Variants in KLHL29 observed in about 807,000 individuals in gnomAD.
KLHL29 encodes the protein kelch-like protein 29.
In KLHL29, 21 loss-of-function variants were observed where a neutral mutation model predicts 80.4. The ratio of observed to expected loss-of-function variants is 0.26; its 90% confidence interval spans 0.19 to 0.38. The LOEUF (loss-of-function observed/expected upper bound fraction) is 0.38, where lower values mean the gene tolerates loss of function less well. KLHL29 is among the 10% of genes least tolerant of loss of function. KLHL29 has a pLI of 1.00. For missense variants in KLHL29, 867 were observed against 1,223.9 expected (o/e 0.71, Z 4.35); for synonymous variants, 511 against 526.8 (o/e 0.97, Z 0.41).
In KLHL29 at chr2:23,449,731, G is replaced by C. The variant is rs1663813007; in HGVS notation, c.-153-25829G>C. On this transcript the variant is annotated intron_variant, in intron 1 of 13. Coordinates refer to ENST00000486442, the MANE Select transcript of KLHL29 (RefSeq NM_052920.2). ...CTGGATACAGAGAGGCCATTAGTTG[G>C]GGTCATCAACTAATTAGAGAACCTT... 2.0e-5 allele frequency among the ~76,000 whole-genome samples: 3 copies of C among 152,054 alleles called. No individual in the cohort carries two copies. The South Asian group carries it at 6.2e-4, about 32-fold the overall frequency.
At chr2:23,627,625 G>A (rs1168248516) in intron 3 of KLHL29, among the ~76,000 whole-genome samples, 2 of 152,202 alleles carry the variant, frequency 1.3e-5, no homozygotes, top group Non-Finnish European at 2.9e-5. Context: ...CGTGTGTGCT[G>A]CCCTGTTTGT....
chr2:23,542,178 A>G (rs1457840766), intron 2 of KLHL29, among the ~76,000 whole-genome samples: 1 of 152,216 alleles, frequency 6.6e-6, no homozygotes, highest in African/African-American at 2.4e-5. Flanking sequence ...CTCAGAATTT[A>G]GCAATTATAT....
At chr2:23,492,916 T>C (rs1665148836) in intron 2 of KLHL29, among the ~76,000 whole-genome samples, 1 of 152,186 alleles carries the variant, frequency 6.6e-6, no homozygotes, top group South Asian at 2.1e-4. Flanking sequence ...CACGGGTGTC[T>C]GAGCCCAAAA....
At chr2:23,438,236 T>C (rs542738141) in intron 1 of KLHL29, among the ~76,000 whole-genome samples, 24 of 152,046 alleles carry the variant, frequency 1.6e-4, no homozygotes, top group African/African-American at 5.6e-4. Context: ...TTTCTAGATA[T>C]ACAATCATGG....
At chr2:23,519,182 C>T (rs1394124586) in intron 2 of KLHL29, among the ~76,000 whole-genome samples, 2 of 152,114 alleles carry the variant, frequency 1.3e-5, no homozygotes, top group Middle Eastern at 3.2e-3. Context: ...GGACAGCCTC[C>T]CTAGGTAAAC....
At chr2:23,479,298 C>T (rs1664722591) in intron 2 of KLHL29, among the ~76,000 whole-genome samples, 1 of 152,090 alleles carries the variant, frequency 6.6e-6, no homozygotes, top group South Asian at 2.1e-4. Context: ...CTCAGCCCTA[C>T]ACAGGCATCA....
chr2:23,639,317 C>A (rs540290), intron 4 of KLHL29, 37 bp downstream of exon 4: 10 of 1,534,882 alleles, frequency 6.5e-6, no homozygotes, highest in African/African-American at 2.8e-5. Context: ...CGACTGAGCC[C>A]AGGGCTTGGC....
At chr2:23,527,670 C>G (rs1666367803) in intron 2 of KLHL29, among the ~76,000 whole-genome samples, 1 of 152,214 alleles carries the variant, frequency 6.6e-6, no homozygotes, top group Middle Eastern at 3.2e-3. Flanking sequence ...AGTTCCAAAA[C>G]ACGCAGCCCA....
At chr2:23,606,658 G>A (rs552606173) in intron 3 of KLHL29, among the ~76,000 whole-genome samples, 6 of 152,162 alleles carry the variant, frequency 3.9e-5, no homozygotes, top group Non-Finnish European at 8.8e-5. Flanking sequence ...AGAGAATTTT[G>A]CTTCTAAAGT....
intron 3 of KLHL29, among the ~76,000 whole-genome samples, chr2:23,610,742 A>G (rs1558407677): frequency 6.6e-6 from 1 of 152,212 alleles, no homozygotes; most frequent in Admixed American, 6.5e-5. Flanking sequence ...CTGTGTCTCA[A>G]TTCACTACAG....
intron 5 of KLHL29, among the ~76,000 whole-genome samples, chr2:23,661,543 C>T (rs1331229458): frequency 1.3e-5 from 2 of 152,346 alleles, no homozygotes; most frequent in Middle Eastern, 3.4e-3. Flanking sequence ...GCCCGAACCC[C>T]TCCTGGCATG....
Position 23,405,660 on chromosome 2 carries a change from A to G in KLHL29, c.-154+19880A>G, listed in dbSNP as rs769429197. On this transcript the variant is annotated intron_variant, in intron 1 of 13. Transcript: ENST00000486442. ...AGTTCTGCAAGCTCAGCTCCCAACC[A>G]CAACACACAAGACTCGAGCAGGAGA... 5.9e-4 allele frequency among the ~76,000 whole-genome samples: 90 copies of G among 152,306 alleles called. 1 individual carries two copies. The highest frequency in any genetic ancestry group is 3.1e-3 in the South Asian group (15 of 4,820).
rs186433484 is a variant in KLHL29, at chr2:23,614,207, T to C, written c.286-24932T>C. Among the ~76,000 whole-genome samples, 48 of 152,310 alleles carry C rather than the reference T, an allele frequency of 3.2e-4. 1 individual carries two copies. The highest frequency in any genetic ancestry group is 1.1e-3 in the African/African-American group (46 of 41,576). ...TTCCAGGCAGAACCAATGTACATCT[T>C]ACATATATTGATTGATGTCTCATGT... On this transcript the variant is annotated intron_variant, in intron 3 of 13. Transcript: ENST00000486442.
chr2:23,586,795 C>G (rs1558398648), intron 3 of KLHL29, among the ~76,000 whole-genome samples: 1 of 152,148 alleles, frequency 6.6e-6, no homozygotes, highest in African/African-American at 2.4e-5. Context: ...GGGCTGCCTG[C>G]CCCTCTCCCT....
At chr2:23,544,242 C>G (rs1400436648) in intron 2 of KLHL29, among the ~76,000 whole-genome samples, 6 of 152,112 alleles carry the variant, frequency 3.9e-5, no homozygotes, top group African/African-American at 9.7e-5. Flanking sequence ...TTCATTCACT[C>G]GTTATTTACG....
intron 3 of KLHL29, among the ~76,000 whole-genome samples, chr2:23,564,503 C>A (rs1309326567): frequency 6.6e-6 from 1 of 152,220 alleles, no homozygotes; most frequent in African/African-American, 2.4e-5. Flanking sequence ...GTTTGATTCC[C>A]CGGATTAAGC....
At chr2:23,455,567 G>GTGA (rs942617259) in intron 1 of KLHL29, among the ~76,000 whole-genome samples, 10 of 150,974 alleles carry the variant, frequency 6.6e-5, no homozygotes, top group African/African-American at 2.4e-4. Flanking sequence ...TTGCCATTGA[G>GTGA]TGATGAAGAG....
At chr2:23,431,365 A>G (rs560193218) in intron 1 of KLHL29, among the ~76,000 whole-genome samples, 2 of 152,332 alleles carry the variant, frequency 1.3e-5, no homozygotes, top group East Asian at 1.9e-4. Flanking sequence ...ATATGCCTGG[A>G]GGCTTCTGAT....
At chr2:23,408,017 C>G (rs1318311065) in intron 1 of KLHL29, among the ~76,000 whole-genome samples, 1 of 151,898 alleles carries the variant, frequency 6.6e-6, no homozygotes, top group African/African-American at 2.4e-5. Flanking sequence ...TCAAGTGATT[C>G]TCCTGCCTCG....
Sources: allele counts gnomAD v4.1 joint callset (sites outside exome capture counted in the v4.1 genomes callset), GRCh38; gene constraint gnomAD v4.1.1; transcripts MANE v1.5; gene names NCBI Gene and HGNC (gene_info 2026-07-23, HGNC 2026-07-21).